The following CHRNA7 variants were observed in gnomAD, a reference collection of about 807,000 sequenced individuals.
The protein encoded by CHRNA7 is cholinergic receptor nicotinic alpha 7 subunit.
CHRNA7 carries 17 observed loss-of-function variants against 48.0 expected under a neutral mutation model. That is an observed-to-expected ratio of 0.35 (90% CI 0.24 to 0.53). The LOEUF is 0.53. Ranked by LOEUF, CHRNA7 falls within the 20% of genes least tolerant of loss-of-function variation. CHRNA7 has a pLI of 0.92. For missense variants in CHRNA7, 155 were observed against 577.7 expected (o/e 0.27, Z 7.50); for synonymous variants, 75 against 242.3 (o/e 0.31, Z 6.41).
At chr15:32,124,713 G>A (rs559226158) in intron 4 of CHRNA7, among the ~76,000 whole-genome samples, 5 of 152,236 alleles carry the variant, frequency 3.3e-5, no homozygotes, top group South Asian at 2.1e-4. Context: ...GTGTCCCCTC[G>A]AGAATTAGTA....
chr15:32,119,191 G>A (rs749052056), intron 4 of CHRNA7, among the ~76,000 whole-genome samples: 1 of 152,152 alleles, frequency 6.6e-6, no homozygotes, highest in African/African-American at 2.4e-5. Context: ...AGAAGCAAAT[G>A]TGTTTTGCTG....
intron 3 of CHRNA7, 110 bp downstream of exon 3, chr15:32,101,457 AAAC>A (rs1470279804): frequency 8.3e-7 from 1 of 1,201,856 alleles, no homozygotes; most frequent in African/African-American, 1.6e-5. Context: ...TTAGGAAAAA[AAAC>A]CAAAAAAACA....
chr15:32,054,585 A>C (rs564450610), intron 2 of CHRNA7, among the ~76,000 whole-genome samples: 400 of 152,342 alleles, frequency 2.6e-3, no homozygotes, highest in Non-Finnish European at 3.9e-3. Flanking sequence ...CTCCAGAGCT[A>C]AACTGTTTGC....
At chr15:32,096,345 C>T (rs2050468166) in intron 2 of CHRNA7, among the ~76,000 whole-genome samples, 1 of 152,092 alleles carries the variant, frequency 6.6e-6, no homozygotes, top group Non-Finnish European at 1.5e-5. Context: ...CTGCCCTTTT[C>T]TGATTGATTT....
chr15:32,156,700 C>G (rs2051745049), intron 5 of CHRNA7: 1 of 99,946 alleles, frequency 1.0e-5, no homozygotes, highest in African/African-American at 3.6e-5. Context: ...CCTTCAAGCA[C>G]CATCTCTTCA....
intron 3 of CHRNA7, among the ~76,000 whole-genome samples, chr15:32,105,168 A>G (rs2050642316): frequency 1.3e-5 from 2 of 152,194 alleles, no homozygotes; most frequent in South Asian, 4.1e-4. Flanking sequence ...CTGCAGCTTC[A>G]TTTGTTTGAA....
chr15:32,141,303 C>T (rs560071653), intron 4 of CHRNA7, among the ~76,000 whole-genome samples: 1 of 152,296 alleles, frequency 6.6e-6, no homozygotes, highest in African/African-American at 2.4e-5. Flanking sequence ...GTACCAGTAC[C>T]ATGCTGTTTT....
chr15:32,078,711 C>G (rs2050171970), intron 2 of CHRNA7, among the ~76,000 whole-genome samples: 1 of 147,786 alleles, frequency 6.8e-6, no homozygotes, highest in Non-Finnish European at 1.5e-5. Flanking sequence ...TAGCTTAATT[C>G]TACCAGAGGT....
chr15:32,097,722 T>C (rs1323146534), intron 2 of CHRNA7, among the ~76,000 whole-genome samples: 1 of 152,242 alleles, frequency 6.6e-6, no homozygotes. Flanking sequence ...AGACTAAATG[T>C]GCATATTTAT....
At chr15:32,081,372 G>C (rs913595619) in intron 2 of CHRNA7, among the ~76,000 whole-genome samples, 1 of 151,820 alleles carries the variant, frequency 6.6e-6, no homozygotes, top group Non-Finnish European at 1.5e-5. Context: ...GGTATGTTAG[G>C]GGCTTATGTG....
chr15:32,031,176 G>A (rs768874344), intron 2 of CHRNA7, 139 bp downstream of exon 2: 17 of 996,398 alleles, frequency 1.7e-5, no homozygotes, highest in Middle Eastern at 3.0e-4. Flanking sequence ...GCCATGCTCT[G>A]AGTCTGTCCC....
chr15:32,080,540 A>G (rs1010412515), intron 2 of CHRNA7, among the ~76,000 whole-genome samples: 1 of 152,262 alleles, frequency 6.6e-6, no homozygotes, highest in African/African-American at 2.4e-5. Context: ...CATATGAAAA[A>G]AAAGCTCCAC....
At chr15:32,044,253 CTCCTTCCTTCCTTCCT>C (rs10638387) in intron 2 of CHRNA7, among the ~76,000 whole-genome samples, 1 of 140,918 alleles carries the variant, frequency 7.1e-6, no homozygotes, top group East Asian at 2.1e-4. Flanking sequence ...CGATCTTTTC[CTCCTTCCTTCCTTCCT>C]TCCTTCCTTC....
intron 2 of CHRNA7, among the ~76,000 whole-genome samples, chr15:32,036,071 T>G (rs1453019934): frequency 2.0e-5 from 3 of 152,242 alleles, no homozygotes; most frequent in Non-Finnish European, 4.4e-5. Flanking sequence ...GAAATTTCTT[T>G]GTGCTCTCCC....
At chr15:32,089,622 C>G (rs2050351637) in intron 2 of CHRNA7, among the ~76,000 whole-genome samples, 2 of 152,112 alleles carry the variant, frequency 1.3e-5, no homozygotes, top group South Asian at 4.1e-4. Context: ...TTTCCTTTAG[C>G]ACCTTTAGCA....
chr15:32,077,074 C>T (rs919033815), intron 2 of CHRNA7, among the ~76,000 whole-genome samples: 1 of 151,990 alleles, frequency 6.6e-6, no homozygotes, highest in Non-Finnish European at 1.5e-5. Flanking sequence ...GATTTGACTT[C>T]TTTCACATAG....
chr15:32,042,119 A>G lies in CHRNA7; in HGVS notation c.195+11082A>G, dbSNP rs568109679. Reference sequence around the variant, plus strand: ...TACCAGGTAAAAGGAACTGCTGTAAATTAATAAGTTACTAATGTAGTGTTA... The same window carrying G: ...TACCAGGTAAAAGGAACTGCTGTAAGTTAATAAGTTACTAATGTAGTGTTA... On this transcript the variant is annotated intron_variant, in intron 2 of 9. Transcript: ENST00000306901. Among the ~76,000 whole-genome samples the G allele has an allele frequency of 1.0e-3, 90 of 87,698 alleles. 1 individual carries two copies. Among genetic ancestry groups the G allele is most frequent in the African/African-American group, 2.3e-3 (86 of 37,676 alleles). 57.5% of individuals were successfully genotyped at this position (87,698 alleles called of 152,430 possible).
chr15:32,098,076 G>A (rs1010327839), intron 2 of CHRNA7, among the ~76,000 whole-genome samples: 1 of 152,212 alleles, frequency 6.6e-6, no homozygotes, highest in Non-Finnish European at 1.5e-5. Context: ...TCCATCTGGG[G>A]ACTTTCCACA....
rs74011121 is a variant in CHRNA7 at position 32,149,378 on chromosome 15, C to T, written c.351-4529C>T. Among the ~76,000 whole-genome samples the T allele has an allele frequency of 0.082, 12,478 of 152,146 alleles. 731 individuals are homozygous for T. Among genetic ancestry groups the T allele is most frequent in the African/African-American group, 0.15 (6,259 of 41,492 alleles). ...CTGTCGGGCATCCCCGGGGAAGCTG[C>T]GCCGGTGCTGTGGCCACTGAGGTCC... On this transcript the variant is annotated intron_variant, in intron 4 of 9. Transcript: ENST00000306901. The surrounding 1 kb of genome is among the most constrained non-coding windows in gnomAD (Gnocchi z 4.6).
Sources: allele counts gnomAD v4.1 joint callset (sites outside exome capture counted in the v4.1 genomes callset), GRCh38; gene constraint gnomAD v4.1.1; non-coding constraint Gnocchi (gnomAD v3.1); transcripts MANE v1.5; gene names NCBI Gene and HGNC (gene_info 2026-07-23, HGNC 2026-07-21).